Variants in FGF14 observed in about 807,000 individuals in gnomAD.
FGF14 encodes the protein fibroblast growth factor homologous factor 4.
A neutral mutation model predicts 25.5 loss-of-function variants in FGF14; 5 were observed. That is an observed-to-expected ratio of 0.20 (90% CI 0.10 to 0.41). The LOEUF (loss-of-function observed/expected upper bound fraction) is 0.41, where lower values mean the gene tolerates loss of function less well. Among genes scored for constraint, FGF14 ranks in the 10% least tolerant of loss-of-function variants. The pLI, the probability that FGF14 is intolerant of heterozygous loss-of-function variation, is 1.00. For synonymous variants in FGF14, 138 were observed against 118.3 expected (o/e 1.17, Z -1.08); for missense variants, 222 against 320.1 (o/e 0.69, Z 2.34).
At chr13:101,972,618 G>T (rs2037668552) in intron 1 of FGF14, among the ~76,000 whole-genome samples, 1 of 152,088 alleles carries the variant, frequency 6.6e-6, no homozygotes, top group African/African-American at 2.4e-5. Flanking sequence ...TCACCCTCAT[G>T]ACTCATTTCA....
intron 1 of FGF14, among the ~76,000 whole-genome samples, chr13:101,991,727 T>C (rs1243782228): frequency 6.6e-6 from 1 of 152,040 alleles, no homozygotes; most frequent in African/African-American, 2.4e-5. Context: ...GTAGGAACAC[T>C]TAAGCTGTAA....
intron 1 of FGF14, among the ~76,000 whole-genome samples, chr13:102,283,648 G>C (rs1223848098): frequency 6.6e-6 from 1 of 152,030 alleles, no homozygotes; most frequent in East Asian, 1.9e-4. Flanking sequence ...AAGATTTACA[G>C]TAAACAATTT....
chr13:101,988,719 A>AG (rs1566539171), intron 1 of FGF14, among the ~76,000 whole-genome samples: 1 of 9,116 alleles, frequency 1.1e-4, no homozygotes, highest in East Asian at 3.8e-3. Context: ...GGTGGGGGGG[A>AG]GGGGGGAGGG....
intron 1 of FGF14, among the ~76,000 whole-genome samples, chr13:102,338,376 G>C (rs2056849058): frequency 6.6e-6 from 1 of 152,174 alleles, no homozygotes; most frequent in South Asian, 2.1e-4. Context: ...TCCTTAAAAG[G>C]AGACTGGAGA....
chr13:101,854,987 C>T (rs189273451), intron 3 of FGF14, among the ~76,000 whole-genome samples: 286 of 152,044 alleles, frequency 1.9e-3, no homozygotes, highest in African/African-American at 6.7e-3. Context: ...TGTGTGTACC[C>T]TTCCCATTGT....
At chr13:102,184,386 C>T (rs2048797715) in intron 1 of FGF14, among the ~76,000 whole-genome samples, 1 of 152,154 alleles carries the variant, frequency 6.6e-6, no homozygotes, top group Non-Finnish European at 1.5e-5. Flanking sequence ...ATTACTCAGT[C>T]ACTCAGCATC....
At chr13:102,052,646 A>C (rs1014874389) in intron 1 of FGF14, among the ~76,000 whole-genome samples, 5 of 142,054 alleles carry the variant, frequency 3.5e-5, no homozygotes, top group African/African-American at 1.2e-4. Context: ...GTGGTGAAGA[A>C]AAAAAAAACT....
Position 101,714,584 on chromosome 13 carries a change from C to A in FGF14, c.*8247G>T. 2.4e-6 allele frequency: 3 copies of A among 1,270,410 alleles called. No homozygotes were observed. The highest frequency in any genetic ancestry group is 3.5e-6 in the Non-Finnish European group (3 of 867,260). 78.7% of individuals were successfully genotyped at this position (1,270,410 alleles called of 1,614,324 possible). ...ATTAACCTTTTCTAATTGCTCTATG[C>A]CACAGTTTGTTATAGAGCCAAGAGA... On this transcript the variant is annotated 3_prime_UTR_variant, in exon 5 of 5. Coordinates refer to ENST00000376143, the MANE Select transcript of FGF14 (RefSeq NM_004115.4).
chr13:101,919,068 T>C (rs2033799569), upstream of FGF14, among the ~76,000 whole-genome samples: 1 of 152,188 alleles, frequency 6.6e-6, no homozygotes, highest in Non-Finnish European at 1.5e-5. Flanking sequence ...TGTGCATTTA[T>C]GTTGTGTTGC....
At chr13:102,033,334 T>C (rs1173145121) in intron 1 of FGF14, among the ~76,000 whole-genome samples, 2 of 152,074 alleles carry the variant, frequency 1.3e-5, no homozygotes, top group East Asian at 3.9e-4. Flanking sequence ...AGTTCTACAA[T>C]AGAATCATCA....
intron 1 of FGF14, among the ~76,000 whole-genome samples, chr13:102,133,518 G>A (rs564720741): frequency 1.1e-4 from 17 of 152,248 alleles, no homozygotes; most frequent in African/African-American, 4.1e-4. Context: ...GATTTCTATA[G>A]AGCATAATAT....
intron 3 of FGF14, among the ~76,000 whole-genome samples, chr13:101,758,526 T>G (rs2037801701): frequency 6.6e-6 from 1 of 152,198 alleles, no homozygotes; most frequent in African/African-American, 2.4e-5. Context: ...TCTTCTGCCC[T>G]TGTAGAGCAT....
At chr13:102,199,920 T>C (rs548400570) in intron 1 of FGF14, among the ~76,000 whole-genome samples, 45 of 152,282 alleles carry the variant, frequency 3.0e-4, no homozygotes, top group African/African-American at 1.1e-3. Context: ...ACTAGGCACA[T>C]TACACTTTGG....
chr13:101,929,958 T>C (rs1438194720), intron 1 of FGF14, among the ~76,000 whole-genome samples: 1 of 152,184 alleles, frequency 6.6e-6, no homozygotes, highest in Non-Finnish European at 1.5e-5. Flanking sequence ...GGGCAACACA[T>C]ACATAAAGGA....
intron 1 of FGF14, among the ~76,000 whole-genome samples, chr13:102,273,306 A>G (rs2053345423): frequency 6.6e-6 from 1 of 152,218 alleles, no homozygotes; most frequent in African/African-American, 2.4e-5. Context: ...AATTCATGAC[A>G]AAAAGAAATA....
chr13:102,240,600 C>T (rs2051548485), intron 1 of FGF14, among the ~76,000 whole-genome samples: 1 of 152,130 alleles, frequency 6.6e-6, no homozygotes, highest in Non-Finnish European at 1.5e-5. Context: ...TACTGCAGTG[C>T]CAGTTCTCCT....
At chr13:101,746,940 CTCT>C (rs1253824177) in intron 3 of FGF14, among the ~76,000 whole-genome samples, 1 of 151,998 alleles carries the variant, frequency 6.6e-6, no homozygotes, top group African/African-American at 2.4e-5. Context: ...CACCTTTTGA[CTCT>C]CAGAAAACAT....
At chr13:101,924,503 T>C (rs1046992495) in intron 1 of FGF14, among the ~76,000 whole-genome samples, 1 of 152,190 alleles carries the variant, frequency 6.6e-6, no homozygotes, top group African/African-American at 2.4e-5. Flanking sequence ...CCTGTTTTCA[T>C]TACTACCTTC....
At chr13:101,843,768 T>C (rs939163111) in intron 3 of FGF14, among the ~76,000 whole-genome samples, 25 of 151,962 alleles carry the variant, frequency 1.6e-4, no homozygotes, top group African/African-American at 5.6e-4. Flanking sequence ...TTCCTGACAG[T>C]GAATCCATGA....
Sources: gnomAD v4.1 joint callset for allele counts (sites outside exome capture counted in the v4.1 genomes callset) on GRCh38, gnomAD v4.1.1 for gene constraint, MANE v1.5 for transcripts, NCBI Gene and HGNC (gene_info 2026-07-23, HGNC 2026-07-21) for gene names.